Variants in PSD3 observed in about 807,000 individuals in gnomAD.
PSD3 encodes PH and SEC7 domain-containing protein 3.
Under a neutral mutation model 105.5 loss-of-function variants are expected in PSD3, and 49 were observed. That is an observed-to-expected ratio of 0.46 (90% confidence interval 0.37 to 0.59). PSD3 has a LOEUF of 0.59. Ranked by LOEUF, PSD3 falls within the 20% of genes least tolerant of loss-of-function variation. PSD3 has a pLI of 0.00. For synonymous variants in PSD3, 557 were observed against 457.8 expected, an observed-to-expected ratio of 1.22 and a Z score of -2.77; for missense variants, 1,561 against 1,263.8, an observed-to-expected ratio of 1.24 and a Z score of -3.57.
intron 9 of PSD3, among the ~76,000 whole-genome samples, chr8:18,758,989 T>G (rs1806283955): frequency 6.6e-6 from 1 of 152,036 alleles, no homozygotes; most frequent in Non-Finnish European, 1.5e-5. Context: ...TAATTCACTG[T>G]TTTTTTATCA....
At chr8:18,679,884 T>G (rs7836472) in intron 9 of PSD3, among the ~76,000 whole-genome samples, 10,031 of 152,248 alleles carry the variant, frequency 0.066, 852 homozygotes, top group African/African-American at 0.19. Flanking sequence ...GAATCAACAT[T>G]ATTAACTAGA....
At chr8:19,074,361 G>A (rs761084779) in intron 1 of PSD3, among the ~76,000 whole-genome samples, 2 of 151,934 alleles carry the variant, frequency 1.3e-5, no homozygotes, top group Admixed American at 6.6e-5. Context: ...GAAATCTCCC[G>A]GGTCCGGGGG....
intron 2 of PSD3, among the ~76,000 whole-genome samples, chr8:18,922,506 T>C (rs1237013072): frequency 1.3e-5 from 2 of 152,174 alleles, no homozygotes; most frequent in East Asian, 3.9e-4. Flanking sequence ...AAGACTTCTG[T>C]GACCAAATGT....
At chr8:18,616,197 A>G (rs971671973) in intron 11 of PSD3, among the ~76,000 whole-genome samples, 1 of 152,244 alleles carries the variant, frequency 6.6e-6, no homozygotes, top group African/African-American at 2.4e-5. Context: ...CTGCTCCACG[A>G]TGGCCTCTTA....
chr8:18,792,988 A>G (rs1168944092), intron 8 of PSD3, among the ~76,000 whole-genome samples: 1 of 152,210 alleles, frequency 6.6e-6, no homozygotes, highest in Non-Finnish European at 1.5e-5. Flanking sequence ...ATGGAATACT[A>G]TGCAGCCATA....
At chr8:18,609,838 T>G (rs1805119845) in intron 11 of PSD3, among the ~76,000 whole-genome samples, 1 of 152,240 alleles carries the variant, frequency 6.6e-6, no homozygotes, top group Non-Finnish European at 1.5e-5. Flanking sequence ...CACAAGATAT[T>G]CTATTACATC....
intron 1 of PSD3, among the ~76,000 whole-genome samples, chr8:19,082,531 C>A (rs1196159239): frequency 6.6e-6 from 1 of 152,164 alleles, no homozygotes; most frequent in Non-Finnish European, 1.5e-5. Context: ...CAGAAATCCT[C>A]CAACCTTTAA....
At chr8:18,832,952 A>C (rs1014952274) in intron 4 of PSD3, among the ~76,000 whole-genome samples, 2 of 152,228 alleles carry the variant, frequency 1.3e-5, no homozygotes, top group African/African-American at 4.8e-5. Context: ...GGGTGGGGAC[A>C]CAGCCAAACC....
chr8:18,644,664 T>C (rs1474296300), intron 10 of PSD3, among the ~76,000 whole-genome samples: 1 of 152,202 alleles, frequency 6.6e-6, no homozygotes, highest in African/African-American at 2.4e-5. Flanking sequence ...AATGCTCCGT[T>C]TGCAGCAGTC....
chr8:18,936,489 C>T (rs912364980), intron 1 of PSD3, among the ~76,000 whole-genome samples: 1 of 152,094 alleles, frequency 6.6e-6, no homozygotes, highest in East Asian at 1.9e-4. Context: ...TTTGGCTGGA[C>T]GCGGTAGCTC....
At chr8:19,040,949 G>C (rs1432754619) in intron 1 of PSD3, among the ~76,000 whole-genome samples, 2 of 152,124 alleles carry the variant, frequency 1.3e-5, no homozygotes, top group Non-Finnish European at 2.9e-5. Flanking sequence ...CTGGAGTGCA[G>C]AGACACGATC....
chr8:18,799,420 A>G (rs1028738309), intron 7 of PSD3, 67 bp from the exon 8 acceptor site: 9 of 1,225,180 alleles, frequency 7.3e-6, no homozygotes, highest in Non-Finnish European at 9.6e-6. Context: ...CCTTATTATC[A>G]CTAATAGGAT....
chr8:19,065,607 G>T (rs1378387413), intron 1 of PSD3, among the ~76,000 whole-genome samples: 1 of 152,172 alleles, frequency 6.6e-6, no homozygotes, highest in African/African-American at 2.4e-5. Context: ...TTATTACAAA[G>T]GGTATTACAA....
chr8:18,901,907 G>A (rs1007438352), intron 2 of PSD3, among the ~76,000 whole-genome samples: 35 of 152,094 alleles, frequency 2.3e-4, no homozygotes, highest in Admixed American at 7.9e-4. Flanking sequence ...TTAGTCTAAT[G>A]GAGAGTCCCT....
chr8:18,899,634 C>CAT (rs1819373887), intron 2 of PSD3, among the ~76,000 whole-genome samples: 2 of 152,006 alleles, frequency 1.3e-5, no homozygotes, highest in South Asian at 2.1e-4. Context: ...CTGTTGAACT[C>CAT]ATAGAGTTCT....
intron 9 of PSD3, among the ~76,000 whole-genome samples, chr8:18,662,917 G>A (rs1809462943): frequency 6.6e-6 from 1 of 152,182 alleles, no homozygotes; most frequent in African/African-American, 2.4e-5. Context: ...GGGAGTGGGA[G>A]CTACAGCAAG....
intron 1 of PSD3, among the ~76,000 whole-genome samples, chr8:18,968,585 T>A (rs1290550518): frequency 6.6e-6 from 1 of 152,152 alleles, no homozygotes; most frequent in Admixed American, 6.5e-5. Context: ...CTTTAAAATG[T>A]TGTGGCCTGG....
At chr8:18,758,998 C>G (rs1409898851) in intron 9 of PSD3, among the ~76,000 whole-genome samples, 1 of 151,896 alleles carries the variant, frequency 6.6e-6, no homozygotes, top group Non-Finnish European at 1.5e-5. Flanking sequence ...GTTTTTTTAT[C>G]ACTCCATTCA....
At chr8:18,880,774 C>T (rs1818052918) in intron 2 of PSD3, among the ~76,000 whole-genome samples, 1 of 152,218 alleles carries the variant, frequency 6.6e-6, no homozygotes, top group Non-Finnish European at 1.5e-5. Flanking sequence ...CTCCAGCGAG[C>T]CTTCCTGAAT....
Sources: gnomAD v4.1 joint callset for allele counts (sites outside exome capture counted in the v4.1 genomes callset) on GRCh38, gnomAD v4.1.1 for gene constraint, MANE v1.5 for transcripts, NCBI Gene and HGNC (gene_info 2026-07-23, HGNC 2026-07-21) for gene names.